Variants in MARCHF1 observed in about 807,000 individuals in gnomAD.
MARCHF1 encodes the protein E3 ubiquitin-protein ligase MARCHF1.
Under a neutral mutation model 54.2 loss-of-function variants are expected in MARCHF1, and 40 were observed. The ratio of observed to expected loss-of-function variants is 0.74; its 90% CI spans 0.57 to 0.96. The LOEUF (loss-of-function observed/expected upper bound fraction) is 0.96, where lower values mean the gene tolerates loss of function less well. Ranked by LOEUF, MARCHF1 falls within the 40% of genes least tolerant of loss-of-function variation. The pLI is 0.00. For missense variants in MARCHF1, 586 were observed against 656.5 expected, an observed-to-expected ratio of 0.89 and a Z score of 1.17; for synonymous variants, 236 against 236.3, an observed-to-expected ratio of 1.00 and a Z score of 0.01.
At chr4:163,774,884 A>G (rs1747261198) in intron 4 of MARCHF1, among the ~76,000 whole-genome samples, 1 of 152,152 alleles carries the variant, frequency 6.6e-6, no homozygotes, top group African/African-American at 2.4e-5. Flanking sequence ...GAGGAAATTG[A>G]GACTTCAGTA....
At chr4:164,188,563 G>A (rs148450232) in intron 1 of MARCHF1, 31 of 769,128 alleles carry the variant, frequency 4.0e-5, no homozygotes, top group Non-Finnish European at 7.2e-5. Context: ...AACGCATCAC[G>A]CGGTCCTATG....
At chr4:164,083,944 A>T (rs953294800) in intron 2 of MARCHF1, among the ~76,000 whole-genome samples, 1 of 152,058 alleles carries the variant, frequency 6.6e-6, no homozygotes, top group African/African-American at 2.4e-5. Context: ...ACCTAGAGAT[A>T]TAATTTTTGC....
intron 4 of MARCHF1, among the ~76,000 whole-genome samples, chr4:163,800,139 T>C (rs1265468031): frequency 6.6e-6 from 1 of 151,942 alleles, no homozygotes; most frequent in Non-Finnish European, 1.5e-5. Flanking sequence ...CTACTAGGGC[T>C]GGGAACAAGG....
chr4:163,899,900 A>G (rs994386821), intron 3 of MARCHF1, among the ~76,000 whole-genome samples: 6 of 150,306 alleles, frequency 4.0e-5, no homozygotes, highest in African/African-American at 1.5e-4. Flanking sequence ...TTTTTTAAAC[A>G]TTCCACACAT....
chr4:163,725,662 G>A (rs1282282862), intron 4 of MARCHF1, among the ~76,000 whole-genome samples: 1 of 152,148 alleles, frequency 6.6e-6, no homozygotes, highest in Admixed American at 6.5e-5. Context: ...TTGTAAGACA[G>A]TATAGAACAG....
intron 1 of MARCHF1, among the ~76,000 whole-genome samples, chr4:164,352,674 C>G (rs1271493020): frequency 6.6e-6 from 1 of 150,394 alleles, no homozygotes; most frequent in Non-Finnish European, 1.5e-5. Flanking sequence ...AATGTAAAGA[C>G]CATCGAGGCT....
chr4:163,849,522 G>A (rs1749583601), intron 4 of MARCHF1, among the ~76,000 whole-genome samples: 1 of 152,146 alleles, frequency 6.6e-6, no homozygotes, highest in Non-Finnish European at 1.5e-5. Flanking sequence ...TGTGATAGAG[G>A]CTGGCTAAAC....
At chr4:164,300,743 G>T (rs547491281) in intron 1 of MARCHF1, among the ~76,000 whole-genome samples, 1 of 152,296 alleles carries the variant, frequency 6.6e-6, no homozygotes, top group East Asian at 1.9e-4. Context: ...GTTGTGCCAT[G>T]TTGTCCAGGC....
intron 1 of MARCHF1, among the ~76,000 whole-genome samples, chr4:164,208,724 T>C (rs942585760): frequency 3.3e-5 from 5 of 152,046 alleles, no homozygotes; most frequent in African/African-American, 4.8e-5. Context: ...TTGTGGGAAA[T>C]TGGTTAAGCT....
chr4:164,076,083 G>GAA (rs1017382126), intron 2 of MARCHF1, among the ~76,000 whole-genome samples: 7 of 151,666 alleles, frequency 4.6e-5, no homozygotes, highest in Non-Finnish European at 1.0e-4. Context: ...ATTTCTGTTT[G>GAA]AAAAAAGATA....
chr4:164,348,169 C>A (rs1344236707), intron 1 of MARCHF1, among the ~76,000 whole-genome samples: 1 of 150,618 alleles, frequency 6.6e-6, no homozygotes, highest in Non-Finnish European at 1.5e-5. Flanking sequence ...TAATTGGCAT[C>A]AAAAGAGTAT....
At chr4:163,731,004 CCTATATATA>C (rs547220270) in intron 4 of MARCHF1, among the ~76,000 whole-genome samples, 48 of 152,070 alleles carry the variant, frequency 3.2e-4, no homozygotes, top group Non-Finnish European at 6.0e-4. Flanking sequence ...TCTCCTCTTC[CCTATATATA>C]CTTATTTGTG....
At chr4:164,352,020 G>A (rs1293589295) in intron 1 of MARCHF1, among the ~76,000 whole-genome samples, 8 of 136,234 alleles carry the variant, frequency 5.9e-5, no homozygotes, top group Non-Finnish European at 1.3e-4. Context: ...AGCAATGGAA[G>A]ATGAAATGAA....
chr4:164,131,089 G>A (rs564749392), intron 1 of MARCHF1, among the ~76,000 whole-genome samples: 4 of 152,008 alleles, frequency 2.6e-5, no homozygotes, highest in Non-Finnish European at 4.4e-5. Flanking sequence ...TGTATGTAAC[G>A]TATATATCCT....
intron 3 of MARCHF1, among the ~76,000 whole-genome samples, chr4:163,977,297 A>G (rs933499263): frequency 2.0e-5 from 3 of 152,120 alleles, no homozygotes; most frequent in Non-Finnish European, 4.4e-5. Flanking sequence ...ATTCAAGAAG[A>G]GAAGAAAACC....
intron 1 of MARCHF1, among the ~76,000 whole-genome samples, chr4:164,362,163 G>T (rs867897096): frequency 6.6e-6 from 1 of 152,086 alleles, no homozygotes; most frequent in Non-Finnish European, 1.5e-5. Context: ...AAACTGGCTT[G>T]TATAGAAAAC....
intron 5 of MARCHF1, among the ~76,000 whole-genome samples, chr4:163,638,768 T>C (rs145759743): frequency 8.1e-4 from 124 of 152,300 alleles, no homozygotes; most frequent in Middle Eastern, 6.8e-3. Flanking sequence ...CAACCCATTG[T>C]CCATCGATGG....
At chr4:164,212,420 A>T (rs924238414) in intron 1 of MARCHF1, among the ~76,000 whole-genome samples, 5 of 152,006 alleles carry the variant, frequency 3.3e-5, no homozygotes, top group African/African-American at 9.7e-5. Flanking sequence ...TTAGGCTCTG[A>T]ATTATTTAAA....
At chr4:163,738,473 A>G (rs2131863) in intron 4 of MARCHF1, among the ~76,000 whole-genome samples, 47,451 of 152,126 alleles carry the variant, frequency 0.31, 9,022 homozygotes, top group Non-Finnish European at 0.44. Flanking sequence ...AGGTGATATG[A>G]CATGTGAGAG....
Sources: gnomAD v4.1 joint callset for allele counts (sites outside exome capture counted in the v4.1 genomes callset) on GRCh38, gnomAD v4.1.1 for gene constraint, MANE v1.5 for transcripts, NCBI Gene and HGNC (gene_info 2026-07-23, HGNC 2026-07-21) for gene names.